BRD1: variants seen among roughly 807,000 people sequenced by gnomAD.
BRD1 encodes bromodomain containing 1, also known as bromodomain-containing protein 1.
In BRD1, 24 loss-of-function variants were observed where a neutral mutation model predicts 107.7. The ratio of observed to expected loss-of-function variants is 0.22; its 90% CI spans 0.16 to 0.31. The LOEUF is 0.31. Among genes scored for constraint, BRD1 ranks in the 10% least tolerant of loss-of-function variants. The pLI is 1.00. For synonymous variants in BRD1, 744 were observed against 686.1 expected (o/e 1.08, Z -1.32); for missense variants, 1,279 against 1,638.6 (o/e 0.78, Z 3.79).
intron 8 of BRD1, among the ~76,000 whole-genome samples, chr22:49,784,214 C>T (rs1297029457): frequency 8.6e-5 from 13 of 151,150 alleles, no homozygotes; most frequent in African/African-American, 2.2e-4. Flanking sequence ...TCCGCAACGG[C>T]GGTGAGTGGA....
intron 2 of BRD1, among the ~76,000 whole-genome samples, chr22:49,821,436 G>A (rs1032195818): frequency 2.0e-5 from 3 of 152,136 alleles, no homozygotes; most frequent in African/African-American, 2.4e-5. Flanking sequence ...AATTTACAAA[G>A]ACAAACACCT....
At chr22:49,775,426 G>A (rs1469680415) in intron 12 of BRD1, 165 bp downstream of exon 12, 3 of 637,262 alleles carry the variant, frequency 4.7e-6, no homozygotes, top group Non-Finnish European at 7.1e-6. Flanking sequence ...GGGCTGGGCA[G>A]TGCCCTTCTC....
chr22:49,796,180 T>G (rs1199126545), intron 6 of BRD1, among the ~76,000 whole-genome samples: 1 of 151,246 alleles, frequency 6.6e-6, no homozygotes, highest in Non-Finnish European at 1.5e-5. Context: ...GAGCACCGCC[T>G]CCCGGATTCA....
chr22:49,804,544 T>C (rs2059703856), intron 2 of BRD1, among the ~76,000 whole-genome samples, 184 bp from the exon 3 acceptor site: 2 of 152,220 alleles, frequency 1.3e-5, no homozygotes, highest in Admixed American at 1.3e-4. Context: ...CTCCAACCAT[T>C]TGAAGATTTC....
intron 8 of BRD1, among the ~76,000 whole-genome samples, chr22:49,784,971 A>G (rs2059294738): frequency 6.6e-6 from 1 of 152,256 alleles, no homozygotes; most frequent in Non-Finnish European, 1.5e-5. Context: ...GAGAGAGCAG[A>G]AATCTCCACT....
chr22:49,821,777 G>C (rs2060071076), intron 2 of BRD1, among the ~76,000 whole-genome samples: 1 of 152,178 alleles, frequency 6.6e-6, no homozygotes, highest in Non-Finnish European at 1.5e-5. Flanking sequence ...ACACCTCAGA[G>C]GGTCCTGCTC....
At chr22:49,798,499 G>A (rs774776190) in intron 5 of BRD1, 59 bp downstream of exon 5, 37 of 1,613,430 alleles carry the variant, frequency 2.3e-5, no homozygotes, top group East Asian at 8.9e-5. Context: ...CCGGTCAAAC[G>A]GCAGCACAAA....
chr22:49,797,929 C>T lies in BRD1; in HGVS notation c.1974G>A (p.Gln658=), dbSNP rs774620815. 6.2e-7 allele frequency: 1 copy of T among 1,614,244 alleles called. No individual in the cohort carries two copies. Among genetic ancestry groups the T allele is most frequent in the East Asian group, 2.2e-5 (1 of 44,880 alleles). ...FYRAAVRLRD[Q]GGVVLRQARR... is the part of the protein sequence containing the mutation. Reference sequence around the variant, plus strand: ...GGGCCTGCCTCAGAACAACACCTCCCTGATCGCGCAGCCTCACCGCGGCTC... The same window carrying T: ...GGGCCTGCCTCAGAACAACACCTCCTTGATCGCGCAGCCTCACCGCGGCTC... The change falls in exon 6 of 13, where the codon CAG becomes CAA. Residue 658 remains glutamine, a synonymous_variant. Transcript: ENST00000404760.
At chr22:49,827,320 CTCCCCGGCA>C (rs1413130894) in intron 1 of BRD1, among the ~76,000 whole-genome samples, 168 bp downstream of exon 1, 3 of 150,796 alleles carry the variant, frequency 2.0e-5, no homozygotes, top group African/African-American at 7.3e-5. Context: ...CCCGCCCGGC[CTCCCCGGCA>C]TCCCGGGCTC....
At chr22:49,786,852 T>A (rs1359475029) in intron 8 of BRD1, among the ~76,000 whole-genome samples, 1 of 152,044 alleles carries the variant, frequency 6.6e-6, no homozygotes, top group African/African-American at 2.4e-5. Context: ...GGCTCACACA[T>A]CTAATCCCAA....
chr22:49,827,445 C>A (rs1055402705), intron 1 of BRD1, 52 bp downstream of exon 1: 4 of 144,858 alleles, frequency 2.8e-5, no homozygotes, highest in Non-Finnish European at 6.1e-5. Context: ...GGCGGCCGGG[C>A]GGCCCGCGAG....
chr22:49,813,261 C>T (rs1269542371), intron 2 of BRD1, among the ~76,000 whole-genome samples: 2 of 152,052 alleles, frequency 1.3e-5, no homozygotes, highest in South Asian at 2.1e-4. Flanking sequence ...CTCGCTCTGT[C>T]GCTAGGCTGG....
chr22:49,777,138 C>T lies in BRD1; in HGVS notation c.3017G>A (p.Arg1006Gln), dbSNP rs773993738. 6.8e-6 allele frequency: 11 copies of T among 1,613,268 alleles called. No homozygotes were observed. Among genetic ancestry groups the T allele is most frequent in the East Asian group, 4.5e-5 (2 of 44,878 alleles). ...DSSFNAPKCG[R>Q]GKPALVRRHT... ...CCGTCGCACAAGAGCCGGTTTGCCC[C>T]GCCCACATTTGGGCGCATTAAAGCT... Residue 1006 changes from arginine (R) to glutamine (Q), a missense_variant, in exon 10 of 13, where the codon CGG (arginine) becomes CAG (glutamine). This residue lies in a region of BRD1 where 263 missense variants were observed against 251.6 expected (regional missense o/e 1.05). Coordinates refer to ENST00000404760, the MANE Select transcript of BRD1 (RefSeq NM_001304808.3).
chr22:49,786,373 G>C (rs967142871), intron 8 of BRD1, among the ~76,000 whole-genome samples: 1 of 149,980 alleles, frequency 6.7e-6, no homozygotes, highest in Non-Finnish European at 1.5e-5. Flanking sequence ...GGGAGCAGAG[G>C]CTGCAGGAAC....
In BRD1 at chr22:49,796,191, C is replaced by T. The variant is rs79856390; in HGVS notation, c.2098+1614G>A. Among the ~76,000 whole-genome samples the T allele has an allele frequency of 1.0e-3, 157 of 151,694 alleles. 1 individual carries two copies. The highest frequency in any genetic ancestry group is 3.7e-3 in the African/African-American group (151 of 41,356). On this transcript the variant is annotated intron_variant, in intron 6 of 12. Transcript: ENST00000404760. ...CTGAGAGCACCGCCTCCCGGATTCA[C>T]GCCATTCTCCTGCCTCAGCCTCCCG...
At chr22:49,811,932 C>T (rs534244276) in intron 2 of BRD1, among the ~76,000 whole-genome samples, 54 of 152,300 alleles carry the variant, frequency 3.5e-4, no homozygotes, top group Non-Finnish European at 5.7e-4. Flanking sequence ...ATGTATCAAA[C>T]ATCATCAGTT....
In BRD1 at chr22:49,774,390, A is replaced by G. The variant is rs1383218392; in HGVS notation, c.3413T>C (p.Val1138Ala). The change falls in exon 13 of 13, where the codon GTT (valine) becomes GCT (alanine). Residue 1138 changes from valine to alanine, a missense_variant. This residue lies in a region of BRD1 where 136 missense variants were observed against 196.8 expected (regional missense o/e 0.69). Transcript: ENST00000404760. ...SWQWLPKSKMVPLGIDETIDK... is the reference protein window; with the variant it reads ...SWQWLPKSKMAPLGIDETIDK... Reference sequence around the variant, plus strand: ...TATAGTTTCGTCAATACCAAGGGGAACCATTTTGGACTTAGGAAGCCACTG... The same window carrying G: ...TATAGTTTCGTCAATACCAAGGGGAGCCATTTTGGACTTAGGAAGCCACTG... 3 of 1,606,834 alleles carry G rather than the reference A, an allele frequency of 1.9e-6. No individual in the cohort carries two copies. Among genetic ancestry groups the G allele is most frequent in the African/African-American group, 2.7e-5 (2 of 74,744 alleles).
At chr22:49,776,242 G>A (rs549315198) in intron 10 of BRD1, 83 bp from the exon 11 acceptor site, 1 of 1,273,142 alleles carries the variant, frequency 7.9e-7, no homozygotes, top group Non-Finnish European at 1.1e-6. Context: ...TGCAGCAACA[G>A]GGTGGGTCCC....
At chr22:49,795,799 T>C (rs1228126221) in intron 6 of BRD1, among the ~76,000 whole-genome samples, 2 of 152,286 alleles carry the variant, frequency 1.3e-5, no homozygotes, top group East Asian at 3.9e-4. Context: ...CACCAGAGGC[T>C]AGAGAAGGAC....
Sources: gnomAD v4.1 joint callset for allele counts (sites outside exome capture counted in the v4.1 genomes callset) on GRCh38, gnomAD v4.1.1 for gene constraint, gnomAD v4.1.1 regional missense constraint, MANE v1.5 for transcripts, NCBI Gene and HGNC (gene_info 2026-07-23, HGNC 2026-07-21) for gene names.